Variants in STK39 observed in about 807,000 individuals in gnomAD.
STK39 encodes the protein STE20/SPS1-related proline-alanine-rich protein kinase.
A neutral mutation model predicts 77.8 loss-of-function variants in STK39; 20 were observed. That is an observed-to-expected ratio of 0.26 (90% CI 0.18 to 0.37). The LOEUF (loss-of-function observed/expected upper bound fraction) is 0.37, where lower values mean the gene tolerates loss of function less well. STK39 is among the 10% of genes least tolerant of loss of function. The pLI, the probability that STK39 is intolerant of heterozygous loss-of-function variation, is 1.00. For synonymous variants in STK39, 246 were observed against 234.1 expected (o/e 1.05, Z -0.47); for missense variants, 479 against 656.5 (o/e 0.73, Z 2.95).
chr2:167,983,569 A>T (rs1229699096), intron 16 of STK39, among the ~76,000 whole-genome samples: 3 of 151,936 alleles, frequency 2.0e-5, no homozygotes, highest in African/African-American at 2.4e-5. Flanking sequence ...TATTGGGGAA[A>T]GGAGGGATGG....
chr2:168,057,587 C>G (rs1358702756), intron 14 of STK39, among the ~76,000 whole-genome samples: 1 of 152,186 alleles, frequency 6.6e-6, no homozygotes, highest in Non-Finnish European at 1.5e-5. Context: ...CACACAGACA[C>G]TTACATGCTG....
chr2:168,122,331 C>T (rs767343342), intron 10 of STK39, among the ~76,000 whole-genome samples: 5 of 152,120 alleles, frequency 3.3e-5, no homozygotes, highest in Non-Finnish European at 7.4e-5. Flanking sequence ...TAATGGTCTC[C>T]ACCTCCATCC....
At chr2:167,963,536 A>AACAC (rs1553506932) in intron 17 of STK39, among the ~76,000 whole-genome samples, 4 of 149,828 alleles carry the variant, frequency 2.7e-5, no homozygotes, top group East Asian at 1.9e-4. Flanking sequence ...AAAAAAAAAA[A>AACAC]ACACACACAT....
At chr2:168,235,918 T>C (rs35144585) in intron 1 of STK39, among the ~76,000 whole-genome samples, 1 of 151,978 alleles carries the variant, frequency 6.6e-6, no homozygotes, top group Non-Finnish European at 1.5e-5. Context: ...TAAACATACG[T>C]GTGCATGTGT....
At chr2:168,126,731 G>A (rs1687551743) in intron 10 of STK39, among the ~76,000 whole-genome samples, 1 of 152,184 alleles carries the variant, frequency 6.6e-6, no homozygotes, top group Non-Finnish European at 1.5e-5. Flanking sequence ...AGCCATGATC[G>A]ATGCTGTCCC....
intron 1 of STK39, among the ~76,000 whole-genome samples, chr2:168,216,164 G>A (rs1690020807): frequency 6.6e-6 from 1 of 152,048 alleles, no homozygotes; most frequent in South Asian, 2.1e-4. Flanking sequence ...CCTTAGGCCT[G>A]CAAACCCCAA....
chr2:168,172,211 T>C (rs181229300), intron 2 of STK39, among the ~76,000 whole-genome samples: 19 of 152,330 alleles, frequency 1.2e-4, no homozygotes, highest in Admixed American at 1.2e-3. Flanking sequence ...GTTTCTTCGT[T>C]GCGTGTGAGC....
chr2:168,073,470 C>T (rs1323269901), intron 12 of STK39, among the ~76,000 whole-genome samples: 3 of 152,088 alleles, frequency 2.0e-5, no homozygotes, highest in African/African-American at 7.2e-5. Flanking sequence ...AGACTCTGCA[C>T]CTTAGATAAA....
At chr2:168,085,860 A>C (rs1231141156) in intron 10 of STK39, among the ~76,000 whole-genome samples, 1 of 152,184 alleles carries the variant, frequency 6.6e-6, no homozygotes, top group Non-Finnish European at 1.5e-5. Flanking sequence ...GGAAGGTCAG[A>C]AAAGGTGATG....
intron 1 of STK39, among the ~76,000 whole-genome samples, chr2:168,207,003 G>A (rs1689759484): frequency 6.6e-6 from 1 of 152,148 alleles, no homozygotes; most frequent in South Asian, 2.1e-4. Context: ...TCCAATTTCA[G>A]GTGAGATTCA....
Position 167,981,345 on chromosome 2 carries a change from TA to T in STK39, c.1499-16620del, listed in dbSNP as rs372474576. 1.3e-3 allele frequency among the ~76,000 whole-genome samples: 193 copies of T among 152,368 alleles called. 3 individuals are homozygous for T. Among genetic ancestry groups the T allele is most frequent in the African/African-American group, 4.1e-3 (170 of 41,584 alleles). On this transcript the variant is annotated intron_variant, in intron 16 of 17. Transcript: ENST00000355999. ...TCAAGCCAGTGCAGGGATCACACTG[TA>T]AGTGGCACTGCTTTAGACTTTTCTG...
chr2:168,140,193 G>A, intron 7 of STK39, 96 bp downstream of exon 7: 1 of 1,065,018 alleles, frequency 9.4e-7, no homozygotes, highest in Non-Finnish European at 1.4e-6. Flanking sequence ...ATTCTCCTCG[G>A]GTCTAAGAGA....
At chr2:168,193,831 T>C (rs1300709047) in intron 1 of STK39, among the ~76,000 whole-genome samples, 1 of 152,210 alleles carries the variant, frequency 6.6e-6, no homozygotes, top group African/African-American at 2.4e-5. Flanking sequence ...GGTGATGTGA[T>C]GCTGCTGGTC....
Position 168,247,426 on chromosome 2 carries a change from G to A in STK39, c.10C>T (p.Pro4Ser), listed in dbSNP as rs1376804558. The A allele has an allele frequency of 1.6e-6, 2 of 1,260,100 alleles. No homozygotes were observed. The highest frequency in any genetic ancestry group is 1.6e-5 in the African/African-American group (1 of 64,192). The allele number at this position is 1,260,100 out of a possible 1,614,324, so 78.1% of individuals were successfully genotyped here. The change falls in exon 1 of 18, where the codon CCG (proline) becomes TCG (serine). Residue 4 changes from proline to serine, a missense_variant. Physicochemically the swap from Pro to Ser is moderately conservative, Grantham distance 74. Transcript: ENST00000355999. ...TGGACGTGCACGGGCGAGCCGCTCG[G>A]CTCCGCCATGATGCTGCGGAGGAGA... is the stretch of plus-strand genomic sequence containing the variant. MAEPSGSPVHVQLP... is the reference protein window; with the variant it reads MAESSGSPVHVQLP...
intron 14 of STK39, among the ~76,000 whole-genome samples, chr2:168,050,146 C>A (rs1337743360): frequency 3.3e-5 from 5 of 152,162 alleles, no homozygotes; most frequent in African/African-American, 1.2e-4. Context: ...CTGGGCACTC[C>A]AAAGGTGCTC....
chr2:167,964,814 A>G, intron 16 of STK39, 88 bp from the exon 17 acceptor site: 2 of 1,160,220 alleles, frequency 1.7e-6, no homozygotes, highest in Non-Finnish European at 2.5e-6. Context: ...AATTTGACTA[A>G]TGATGCAATA....
At chr2:168,019,002 T>C (rs6433029) in intron 14 of STK39, among the ~76,000 whole-genome samples, 20,148 of 151,964 alleles carry the variant, frequency 0.13, 2,912 homozygotes, top group African/African-American at 0.35. Context: ...CCTCAAGACA[T>C]GTCCAAGCCC....
At chr2:168,070,625 G>C (rs545313901) in intron 12 of STK39, among the ~76,000 whole-genome samples, 1 of 129,488 alleles carries the variant, frequency 7.7e-6, no homozygotes, top group East Asian at 2.3e-4. Context: ...GCCCCAGTGT[G>C]TGATGTTCCC....
intron 10 of STK39, among the ~76,000 whole-genome samples, chr2:168,098,904 G>A (rs1428583164): frequency 6.6e-6 from 1 of 152,212 alleles, no homozygotes; most frequent in African/African-American, 2.4e-5. Flanking sequence ...GTGGAGCTAC[G>A]TGGCTTCCAA....
Sources: allele counts gnomAD v4.1 joint callset (sites outside exome capture counted in the v4.1 genomes callset), GRCh38; gene constraint gnomAD v4.1.1; transcripts MANE v1.5; gene names NCBI Gene and HGNC (gene_info 2026-07-23, HGNC 2026-07-21).